Variants in DEUP1 observed in about 807,000 individuals in gnomAD.
DEUP1 encodes coiled-coil domain containing 67.
In DEUP1, 82 loss-of-function variants were observed where a neutral mutation model predicts 87.4. The observed-to-expected ratio is 0.94, with a 90% CI of 0.78 to 1.13. The LOEUF is 1.13. Ranked by LOEUF, DEUP1 falls within the 50% of genes most tolerant of loss-of-function variation. DEUP1 has a pLI of 0.00. For missense variants in DEUP1, 663 were observed against 681.5 expected (o/e 0.97, Z 0.30); for synonymous variants, 214 against 222.7 (o/e 0.96, Z 0.35).
At chr11:93,375,013 C>G (rs1481253923) in intron 7 of DEUP1, among the ~76,000 whole-genome samples, 1 of 147,324 alleles carries the variant, frequency 6.8e-6, no homozygotes, top group African/African-American at 2.5e-5. Flanking sequence ...AGGTATATTC[C>G]TAAGTATTTC....
Position 93,417,062 on chromosome 11 carries a change from T to C in DEUP1, c.1638+1948T>C, listed in dbSNP as rs1947666966. On this transcript the variant is annotated intron_variant, in intron 13 of 13. Coordinates refer to ENST00000298050, the MANE Select transcript of DEUP1 (RefSeq NM_181645.4). ...ATAAGAGCTATCTATGACAAACCCA[T>C]AGCCAATATCATACTGAATGGGCAA... Among the ~76,000 whole-genome samples the C allele has an allele frequency of 4.0e-5, 6 of 150,240 alleles. No homozygotes were observed. The South Asian group carries it at 8.5e-4, about 21-fold the overall frequency.
chr11:93,418,368 G>A (rs1396725936), intron 13 of DEUP1, among the ~76,000 whole-genome samples: 829 of 151,740 alleles, frequency 5.5e-3, no homozygotes, highest in African/African-American at 0.018. Context: ...AAAAGTGGGC[G>A]AAGGACATGA....
In DEUP1 at chr11:93,414,057, C is replaced by T. The variant is rs1451474141; in HGVS notation, c.1524-943C>T. Among the ~76,000 whole-genome samples, 7 of 152,236 alleles carry T rather than the reference C, an allele frequency of 4.6e-5. No individual in the cohort carries two copies. The South Asian group carries it at 1.5e-3, about 32-fold the overall frequency. ...AAGTGTTTTACATATATTAATCATT[C>T]AACTCTCATAACAACCCTTTTATAA... On this transcript the variant is annotated intron_variant, in intron 12 of 13. Coordinates refer to ENST00000298050, the MANE Select transcript of DEUP1 (RefSeq NM_181645.4).
chr11:93,339,400 GA>G (rs1943945221), intron 2 of DEUP1, among the ~76,000 whole-genome samples: 1 of 152,166 alleles, frequency 6.6e-6, no homozygotes, highest in Non-Finnish European at 1.5e-5. Context: ...CTAAAAAGGA[GA>G]AAGGGGAAAA....
chr11:93,369,275 G>C (rs1211379228), intron 5 of DEUP1, among the ~76,000 whole-genome samples: 2 of 151,918 alleles, frequency 1.3e-5, no homozygotes, highest in Non-Finnish European at 2.9e-5. Flanking sequence ...TGTCACTTTG[G>C]GGTTTAGGCT....
chr11:93,340,175 T>C lies in DEUP1; in HGVS notation c.29+7887T>C, dbSNP rs147138098. Among the ~76,000 whole-genome samples, 1,121 of 152,128 alleles carry C rather than the reference T, an allele frequency of 7.4e-3. 9 individuals are homozygous for C. The highest frequency in any genetic ancestry group is 0.013 in the Admixed American group (202 of 15,284). ...TTATGTTGGGGGTGGTAATAATCAC[T>C]ATGTAGAAAAAGTAAGCAGATTATG... On this transcript the variant is annotated intron_variant, in intron 2 of 13. Transcript: ENST00000298050.
At chr11:93,351,289 G>T (rs776970186) in intron 2 of DEUP1, among the ~76,000 whole-genome samples, 2 of 152,044 alleles carry the variant, frequency 1.3e-5, no homozygotes, top group Non-Finnish European at 2.9e-5. Flanking sequence ...TCCAGACTCT[G>T]CTGTAGGCCT....
chr11:93,397,763 A>G (rs1010734534), intron 11 of DEUP1, among the ~76,000 whole-genome samples: 2 of 152,156 alleles, frequency 1.3e-5, no homozygotes, highest in African/African-American at 4.8e-5. Flanking sequence ...TAAGGAGGAG[A>G]TGGGTTGAAT....
rs1302383774 is a variant in DEUP1 at position 93,400,245 on chromosome 11, A to T, written c.1326+3920A>T. ...GAAATTTATTGTCTTACAGTTCTAGAGGCTTGAAGTCCAAATTCAAGGTGT... is the reference window on the plus strand; with the variant it reads ...GAAATTTATTGTCTTACAGTTCTAGTGGCTTGAAGTCCAAATTCAAGGTGT... On this transcript the variant is annotated intron_variant, in intron 11 of 13. Coordinates refer to ENST00000298050, the MANE Select transcript of DEUP1 (RefSeq NM_181645.4). Among the ~76,000 whole-genome samples the T allele has an allele frequency of 3.3e-5, 5 of 152,268 alleles. No homozygotes were observed. The East Asian group carries it at 9.6e-4, about 29-fold the overall frequency.
In DEUP1 at chr11:93,371,280, G is replaced by A. The variant is rs1251525737; in HGVS notation, c.789G>A (p.Gln263=). The change falls in exon 7 of 14, where the codon CAG becomes CAA. Residue 263 remains glutamine, a splice_region_variant and synonymous_variant. Transcript: ENST00000298050. ...QELKMYQRQC[Q]AMEAGLSEVK... ...TGAAAATGTACCAAAGACAGTGCCA[G>A]GTGAAGATTAATTTTTTTTCAACTA... The A allele has an allele frequency of 1.2e-6, 2 of 1,607,508 alleles. No homozygotes were observed. The highest frequency in any genetic ancestry group is 1.7e-6 in the Non-Finnish European group (2 of 1,177,394).
intron 7 of DEUP1, among the ~76,000 whole-genome samples, chr11:93,384,079 C>G (rs968080152): frequency 6.6e-6 from 1 of 152,168 alleles, no homozygotes; most frequent in Non-Finnish European, 1.5e-5. Flanking sequence ...ATTGCTGTCT[C>G]CTAGAGAACA....
intron 13 of DEUP1, among the ~76,000 whole-genome samples, chr11:93,433,995 G>GAAC (rs1948170993): frequency 1.3e-5 from 2 of 152,298 alleles, no homozygotes. Flanking sequence ...CTCCAGTTCG[G>GAAC]TGGAGGGCAG....
rs1350980894 is a variant in DEUP1, at chr11:93,383,435, A to G, written c.790-1963A>G. On this transcript the variant is annotated intron_variant, in intron 7 of 13. Coordinates refer to ENST00000298050, the MANE Select transcript of DEUP1 (RefSeq NM_181645.4). ...ATAGGCAATTCCATAGAGATAGAAC[A>G]TAGATTAGTGGTTGCTAGGAGCTGG... The G allele has an allele frequency of 1.1e-4, 53 of 478,702 alleles. No individual in the cohort carries two copies. The East Asian group carries it at 1.5e-3, about 14-fold the overall frequency. The allele number at this position is 478,702 out of a possible 1,614,324, so 29.7% of individuals were successfully genotyped here. A position where few individuals can be genotyped will look rare whatever the true frequency, so the allele number is the denominator to read the frequency against.
chr11:93,394,470 A>ACT lies in DEUP1; in HGVS notation c.1055_1056dup (p.Gln353SerfsTer15), dbSNP rs1350223970. ...TCTATCTGCTGCAGATAAGAAGCCA[A>ACT]CTCCAACAGGTGGAAGAGTACCATA... On this transcript the variant is annotated frameshift_variant, in exon 10 of 14. Coordinates refer to ENST00000298050, the MANE Select transcript of DEUP1 (RefSeq NM_181645.4). LOFTEE classifies it high-confidence loss of function. The ACT allele has an allele frequency of 4.5e-6, 7 of 1,568,092 alleles. No individual in the cohort carries two copies. The highest frequency in any genetic ancestry group is 6.0e-6 in the Non-Finnish European group (7 of 1,162,300).
At chr11:93,346,089 C>T (rs1210511387) in intron 2 of DEUP1, among the ~76,000 whole-genome samples, 2 of 152,110 alleles carry the variant, frequency 1.3e-5, no homozygotes, top group East Asian at 1.9e-4. Flanking sequence ...GCCAGTTCTC[C>T]CAGCACCATT....
At chr11:93,368,750 C>T (rs774625526) in intron 5 of DEUP1, among the ~76,000 whole-genome samples, 1 of 152,066 alleles carries the variant, frequency 6.6e-6, no homozygotes, top group Non-Finnish European at 1.5e-5. Context: ...GCCTGACCAA[C>T]ATGGTGAAAT....
chr11:93,398,087 A>G (rs1039002269), intron 11 of DEUP1, among the ~76,000 whole-genome samples: 1 of 151,930 alleles, frequency 6.6e-6, no homozygotes, highest in Non-Finnish European at 1.5e-5. Context: ...ATTATTTTAA[A>G]CTTTTTCAGA....
chr11:93,358,090 TA>T (rs1944981811), intron 4 of DEUP1, among the ~76,000 whole-genome samples: 1 of 152,194 alleles, frequency 6.6e-6, no homozygotes, highest in Non-Finnish European at 1.5e-5. Flanking sequence ...TCAATATAAA[TA>T]AAGAGATCAC....
rs1383901680 is a variant in DEUP1 at position 93,437,898 on chromosome 11, T to C, written c.*179T>C. On this transcript the variant is annotated 3_prime_UTR_variant, in exon 14 of 14. Coordinates refer to ENST00000298050, the MANE Select transcript of DEUP1 (RefSeq NM_181645.4). ...ATTTTGTTCTATAAAGCTGTTCACA[T>C]TTCTGCATTAACATGCTAAATTGTC... 5 of 487,782 alleles carry C rather than the reference T, an allele frequency of 1.0e-5. No individual in the cohort carries two copies. The highest frequency in any genetic ancestry group is 7.8e-5 in the African/African-American group (4 of 51,110). 30.2% of individuals were successfully genotyped at this position (487,782 alleles called of 1,614,324 possible). A position where few individuals can be genotyped will look rare whatever the true frequency, so the allele number is the denominator to read the frequency against.
Sources: gnomAD v4.1 joint callset for allele counts (sites outside exome capture counted in the v4.1 genomes callset) on GRCh38, gnomAD v4.1.1 for gene constraint, MANE v1.5 for transcripts, NCBI Gene and HGNC (gene_info 2026-07-23, HGNC 2026-07-21) for gene names.